ZPBP: variants seen among roughly 807,000 people sequenced by gnomAD.
ZPBP encodes zona pellucida-binding protein 1.
Under a neutral mutation model 44.8 loss-of-function variants are expected in ZPBP, and 26 were observed. That is an observed-to-expected ratio of 0.58 (90% CI 0.43 to 0.81). ZPBP has a LOEUF of 0.81. ZPBP is among the 30% of genes least tolerant of loss of function. The pLI is 0.00. For synonymous variants in ZPBP, 174 were observed against 153.2 expected, an observed-to-expected ratio of 1.14 and a Z score of -1.00; for missense variants, 409 against 434.0, an observed-to-expected ratio of 0.94 and a Z score of 0.51.
chr7:50,022,354 T>C (rs1001769763), intron 5 of ZPBP, among the ~76,000 whole-genome samples: 1 of 151,922 alleles, frequency 6.6e-6, no homozygotes, highest in African/African-American at 2.4e-5. Flanking sequence ...ACACAATATA[T>C]AGTAATGTAA....
chr7:50,050,342 G>C (rs1309796273), intron 4 of ZPBP, among the ~76,000 whole-genome samples: 1 of 151,918 alleles, frequency 6.6e-6, no homozygotes, highest in Non-Finnish European at 1.5e-5. Context: ...TTGGTGCTGA[G>C]GTTTTCTATA....
intron 1 of ZPBP, among the ~76,000 whole-genome samples, chr7:49,907,496 A>G (rs1793170030): frequency 6.6e-6 from 1 of 152,228 alleles, no homozygotes; most frequent in African/African-American, 2.4e-5. Context: ...TTTAATAAAC[A>G]AGAGTCTGTC....
downstream of ZPBP, among the ~76,000 whole-genome samples, chr7:49,934,533 T>C (rs1425348572): frequency 6.6e-6 from 1 of 152,034 alleles, no homozygotes; most frequent in Non-Finnish European, 1.5e-5. Context: ...ATGTATACAA[T>C]ATGGATAACA....
chr7:50,031,300 C>T lies in ZPBP; in HGVS notation c.498G>A (p.Glu166=), dbSNP rs201491108. 267 of 1,609,574 alleles carry T rather than the reference C, an allele frequency of 1.7e-4. No individual in the cohort carries two copies. In the African/African-American group the frequency reaches 2.6e-3, roughly 15 times the overall value. The part of the protein sequence containing the change: ...QLKYAIYAYR[E]PHYYYQFTAR... ...CTGTGAACTGATAATAATAATGAGG[C>T]TCACGATAAGCTGTAAAAAATTAAC... Residue 166 remains glutamate (E), a synonymous_variant, in exon 5 of 8, where the codon GAG becomes GAA. Coordinates refer to ENST00000046087, the MANE Select transcript of ZPBP (RefSeq NM_007009.3).
In ZPBP at chr7:50,033,075, C is replaced by CT. The variant is rs939459202; in HGVS notation, c.488-1766dup. ...TTTTTGTTGAAAACATTGCTGATTA[C>CT]TTTTTTTTTTCCAGAGTCAAGAAAG... On this transcript the variant is annotated intron_variant, in intron 4 of 7. Transcript: ENST00000046087. Among the ~76,000 whole-genome samples the CT allele has an allele frequency of 4.6e-4, 69 of 148,910 alleles. 1 individual carries two copies. The highest frequency in any genetic ancestry group is 1.8e-3 in the East Asian group (9 of 5,100).
Position 50,031,091 on chromosome 7 carries a change from C to A in ZPBP, c.706+1G>T. On this transcript the variant is annotated splice_donor_variant, in intron 5 of 7. Transcript: ENST00000046087. LOFTEE classifies it high-confidence loss of function. ...TTTTCTAACAAATTGTATAGACTTA[C>A]CTGAAAATGCAAAGAACAATTCATT... is the stretch of plus-strand genomic sequence containing the variant. 1.9e-6 allele frequency: 3 copies of A among 1,612,996 alleles called. No individual in the cohort carries two copies. Among genetic ancestry groups the A allele is most frequent in the Non-Finnish European group, 2.5e-6 (3 of 1,179,630 alleles).
intron 6 of ZPBP, among the ~76,000 whole-genome samples, chr7:50,010,234 G>A (rs1326639541): frequency 6.6e-6 from 1 of 151,986 alleles, no homozygotes; most frequent in Non-Finnish European, 1.5e-5. Context: ...AGTCTTACTA[G>A]ATAGCTACAG....
At chr7:50,022,431 T>C (rs1334773030) in intron 5 of ZPBP, among the ~76,000 whole-genome samples, 3 of 151,942 alleles carry the variant, frequency 2.0e-5, no homozygotes, top group Non-Finnish European at 4.4e-5. Context: ...CTATTATAAC[T>C]AAGCTGGAAT....
chr7:49,893,247 G>T (rs1404002091), intron 2 of ZPBP, among the ~76,000 whole-genome samples: 2 of 152,116 alleles, frequency 1.3e-5, no homozygotes, highest in Non-Finnish European at 2.9e-5. Flanking sequence ...TTATGCACTA[G>T]GTTCCACGAA....
intron 2 of ZPBP, among the ~76,000 whole-genome samples, chr7:50,083,578 G>A (rs1250154775): frequency 6.6e-6 from 1 of 151,736 alleles, no homozygotes; most frequent in African/African-American, 2.4e-5. Flanking sequence ...AAAGAGGAGG[G>A]ACTAGCAATA....
chr7:50,039,683 C>A (rs556238241), intron 4 of ZPBP, among the ~76,000 whole-genome samples: 1 of 152,086 alleles, frequency 6.6e-6, no homozygotes, highest in African/African-American at 2.4e-5. Flanking sequence ...ATGAAGAGAA[C>A]CACAAATGAT....
At chr7:50,056,167 A>C (rs527719827) in intron 4 of ZPBP, 47 of 152,306 alleles carry the variant, frequency 3.1e-4, no homozygotes, top group Middle Eastern at 6.8e-3. Context: ...AATGTTCTAA[A>C]CAACACAAAT....
chr7:49,950,873 A>C (rs1317753390), intron 7 of ZPBP, among the ~76,000 whole-genome samples: 2 of 151,844 alleles, frequency 1.3e-5, no homozygotes, highest in Non-Finnish European at 3.0e-5. Context: ...TACAATAATC[A>C]AAACAGTGTG....
chr7:50,035,702 C>T (rs1799798067), intron 4 of ZPBP, among the ~76,000 whole-genome samples: 1 of 152,234 alleles, frequency 6.6e-6, no homozygotes, highest in Admixed American at 6.5e-5. Flanking sequence ...ATAAGTGATA[C>T]AGTTTTTTAC....
intron 4 of ZPBP, among the ~76,000 whole-genome samples, chr7:50,038,567 G>C (rs1474706320): frequency 6.6e-6 from 1 of 152,154 alleles, no homozygotes; most frequent in African/African-American, 2.4e-5. Flanking sequence ...GTCAGAGATA[G>C]CCCTGCCAAA....
downstream of ZPBP, among the ~76,000 whole-genome samples, chr7:49,932,763 A>C (rs937840008): frequency 1.3e-5 from 2 of 152,140 alleles, no homozygotes; most frequent in Non-Finnish European, 2.9e-5. Context: ...CTCACCTTGA[A>C]TTGTAATAAT....
chr7:49,865,351 AACCC>A (rs1790835358), intron 2 of ZPBP, among the ~76,000 whole-genome samples: 1 of 152,238 alleles, frequency 6.6e-6, no homozygotes, highest in Non-Finnish European at 1.5e-5. Context: ...TGAAGTGTGT[AACCC>A]TCAGTTTTCC....
chr7:50,074,347 G>A (rs1801983523), intron 3 of ZPBP, among the ~76,000 whole-genome samples: 1 of 151,716 alleles, frequency 6.6e-6, no homozygotes, highest in African/African-American at 2.4e-5. Flanking sequence ...CTTCACTACT[G>A]GAAGACAGAA....
In ZPBP at chr7:49,957,243, T is replaced by C. The variant is rs374825964; in HGVS notation, c.962-19621A>G. 1.8e-4 allele frequency among the ~76,000 whole-genome samples: 28 copies of C among 152,314 alleles called. 1 individual carries two copies. The South Asian group carries it at 5.8e-3, about 32-fold the overall frequency. On this transcript the variant is annotated intron_variant, in intron 7 of 7. Coordinates refer to ENST00000046087, the MANE Select transcript of ZPBP (RefSeq NM_007009.3). The stretch of plus-strand genomic sequence containing the variant: ...TTTCTGTTCTTTATAAATTACAAAG[T>C]CTCAGATATTCTATTATAGCAGCAC...
Sources: gnomAD v4.1 joint callset for allele counts (sites outside exome capture counted in the v4.1 genomes callset) on GRCh38, gnomAD v4.1.1 for gene constraint, MANE v1.5 for transcripts, NCBI Gene and HGNC (gene_info 2026-07-23, HGNC 2026-07-21) for gene names.